Variants in SUMF1 observed in about 807,000 individuals in gnomAD.
SUMF1 encodes the protein sulfatase modifying factor 1.
SUMF1 carries 48 observed loss-of-function variants against 47.6 expected under a neutral mutation model. The ratio of observed to expected loss-of-function variants is 1.01; its 90% CI spans 0.80 to 1.28. The LOEUF (loss-of-function observed/expected upper bound fraction) is 1.28. SUMF1 is among the 50% of genes most tolerant of loss of function. SUMF1 has a pLI of 0.00. For missense variants in SUMF1, 571 were observed against 485.4 expected, an observed-to-expected ratio of 1.18 and a Z score of -1.66; for synonymous variants, 230 against 192.1, an observed-to-expected ratio of 1.20 and a Z score of -1.63.
At position 4,377,882 on chromosome 3, in the gene SUMF1, A is replaced by G. The variant is rs537310502; in HGVS notation, c.955-1493T>C. On this transcript the variant is annotated intron_variant, in intron 7 of 8. Coordinates refer to ENST00000272902, the MANE Select transcript of SUMF1 (RefSeq NM_182760.4). The stretch of plus-strand genomic sequence containing the variant: ...TGCTCCAAAAACGCAAGAGGCCGGG[A>G]CAACCCCACTCCTATCTTAGTTTTT... Among the ~76,000 whole-genome samples the G allele has an allele frequency of 1.2e-4, 18 of 152,312 alleles. No individual in the cohort carries two copies. In the South Asian group the frequency reaches 3.7e-3, roughly 32 times the overall value.
intron 8 of SUMF1, among the ~76,000 whole-genome samples, chr3:4,256,390 G>T (rs868282455): frequency 1.1e-5 from 1 of 94,236 alleles, no homozygotes; most frequent in African/African-American, 4.6e-5. Flanking sequence ...AAGAAAAAAA[G>T]AGAGAAGAAT....
intron 3 of SUMF1, among the ~76,000 whole-genome samples, chr3:4,424,398 A>C (rs750282714): frequency 6.6e-5 from 10 of 152,200 alleles, no homozygotes; most frequent in Non-Finnish European, 2.9e-5. Context: ...GATGATCACC[A>C]ATCTCAATGA....
intron 8 of SUMF1, among the ~76,000 whole-genome samples, chr3:4,118,326 T>C (rs1693466902): frequency 6.6e-6 from 1 of 151,584 alleles, no homozygotes; most frequent in South Asian, 2.1e-4. Flanking sequence ...ATTATCCACA[T>C]TTAAAATGCC....
chr3:4,457,036 G>GTATA (rs1181603915), intron 1 of SUMF1, among the ~76,000 whole-genome samples: 2 of 119,826 alleles, frequency 1.7e-5, no homozygotes, highest in African/African-American at 5.8e-5. Flanking sequence ...ATACGTGTGT[G>GTATA]TGTATATATA....
At chr3:4,248,183 G>C (rs1696712358) in intron 8 of SUMF1, among the ~76,000 whole-genome samples, 1 of 152,160 alleles carries the variant, frequency 6.6e-6, no homozygotes, top group Admixed American at 6.5e-5. Context: ...AGGCTGAAGT[G>C]TCCACTGCTG....
At chr3:4,392,611 G>GTA (rs1453519253) in intron 7 of SUMF1, among the ~76,000 whole-genome samples, 4 of 127,760 alleles carry the variant, frequency 3.1e-5, no homozygotes, top group African/African-American at 1.4e-4. Context: ...GTGTGTGTGT[G>GTA]TGTGTATATA....
intron 8 of SUMF1, among the ~76,000 whole-genome samples, chr3:4,246,736 ACTTCACTAACC>A (rs1032862136): frequency 1.3e-5 from 2 of 152,114 alleles, no homozygotes; most frequent in African/African-American, 4.8e-5. Flanking sequence ...AGTTGAAGAT[ACTTCACTAACC>A]ACCAAGAGAA....
At chr3:4,177,787 C>T (rs1038053712) in intron 8 of SUMF1, among the ~76,000 whole-genome samples, 8 of 151,770 alleles carry the variant, frequency 5.3e-5, no homozygotes, top group African/African-American at 1.9e-4. Flanking sequence ...AATTGATAGA[C>T]CACTAGCAAG....
intron 3 of SUMF1, among the ~76,000 whole-genome samples, chr3:4,442,678 G>A (rs1235700248): frequency 2.1e-5 from 3 of 145,700 alleles, no homozygotes; most frequent in Non-Finnish European, 4.5e-5. Context: ...AAGAGAAGTA[G>A]TGGAGGAGGG....
At chr3:4,418,689 G>A (rs1295552694) in intron 4 of SUMF1, among the ~76,000 whole-genome samples, 2 of 152,192 alleles carry the variant, frequency 1.3e-5, no homozygotes, top group African/African-American at 4.8e-5. Context: ...CAGGTGTGGG[G>A]CCCTAACATT....
intron 9 of SUMF1, among the ~76,000 whole-genome samples, chr3:4,052,907 C>T (rs537962022): frequency 2.3e-4 from 35 of 152,282 alleles, no homozygotes; most frequent in Non-Finnish European, 3.5e-4. Flanking sequence ...AGCAGTAAGA[C>T]TGTTTGCTCT....
At position 4,467,019 on chromosome 3, in the gene SUMF1, G is replaced by C; in HGVS notation, c.227C>G (p.Ala76Gly). 1 of 1,591,132 alleles carries C rather than the reference G, an allele frequency of 6.3e-7. No homozygotes were observed. The highest frequency in any genetic ancestry group is 8.5e-7 in the Non-Finnish European group (1 of 1,170,554). ...CCGCTCTCCGGGTACGGGGCCCGGA[G>C]CGTTAGCCTCCCGCGAGTATCGGTG... Reference protein sequence around the residue: ...AAHRYSREANAPGPVPGERQL... With the variant: ...AAHRYSREANGPGPVPGERQL... Residue 76 changes from alanine (A) to glycine (G), a missense_variant, in exon 1 of 9, where the codon GCT becomes GGT. By Grantham distance (60) the Ala-to-Gly change is moderately conservative. Transcript: ENST00000272902.
At chr3:4,230,068 G>GTT (rs112061698) in intron 8 of SUMF1, among the ~76,000 whole-genome samples, 1 of 148,222 alleles carries the variant, frequency 6.7e-6, no homozygotes, top group African/African-American at 2.5e-5. Context: ...ATTTACGATA[G>GTT]TTTTTTTTTT....
At chr3:4,302,806 GT>G (rs1240223089) in intron 8 of SUMF1, among the ~76,000 whole-genome samples, 2 of 152,178 alleles carry the variant, frequency 1.3e-5, no homozygotes, top group African/African-American at 4.8e-5. Context: ...CAGGGCAGGG[GT>G]TTGGAGGGGT....
At chr3:4,265,424 T>C (rs1697172421) in intron 8 of SUMF1, among the ~76,000 whole-genome samples, 1 of 152,196 alleles carries the variant, frequency 6.6e-6, no homozygotes, top group Non-Finnish European at 1.5e-5. Context: ...ACAATGATCA[T>C]GATTTTTCAT....
At chr3:4,396,486 G>C (rs990687605) in intron 7 of SUMF1, among the ~76,000 whole-genome samples, 1 of 152,144 alleles carries the variant, frequency 6.6e-6, no homozygotes, top group African/African-American at 2.4e-5. Context: ...CAGGTAGTTG[G>C]GAGAACCAGT....
At chr3:4,215,898 A>C (rs1695912401) in intron 8 of SUMF1, among the ~76,000 whole-genome samples, 1 of 152,220 alleles carries the variant, frequency 6.6e-6, no homozygotes, top group Non-Finnish European at 1.5e-5. Context: ...AGAGGTCACA[A>C]ACAAATGGAA....
chr3:4,149,073 C>T (rs17040083), intron 8 of SUMF1, among the ~76,000 whole-genome samples: 5,046 of 152,162 alleles, frequency 0.033, 295 homozygotes, highest in African/African-American at 0.11. Flanking sequence ...CAGTTCCTAA[C>T]GCTGGATTCT....
chr3:4,049,952 A>T (rs1695075557), intron 9 of SUMF1, among the ~76,000 whole-genome samples: 1 of 152,046 alleles, frequency 6.6e-6, no homozygotes, highest in Non-Finnish European at 1.5e-5. Context: ...GAGTTTGGCC[A>T]TCCAGTAGCC....
Sources: allele counts gnomAD v4.1 joint callset (sites outside exome capture counted in the v4.1 genomes callset), GRCh38; gene constraint gnomAD v4.1.1; transcripts MANE v1.5; gene names NCBI Gene and HGNC (gene_info 2026-07-23, HGNC 2026-07-21).